CTNNA2: variants seen among roughly 807,000 people sequenced by gnomAD.
The protein encoded by CTNNA2 is catenin alpha-2.
CTNNA2 carries 42 observed loss-of-function variants against 101.0 expected under a neutral mutation model. The ratio of observed to expected loss-of-function variants is 0.42; its 90% CI spans 0.32 to 0.54. The LOEUF (loss-of-function observed/expected upper bound fraction) is 0.54, where lower values mean the gene tolerates loss of function less well. CTNNA2 is among the 20% of genes least tolerant of loss of function. The pLI is 0.14. For missense variants in CTNNA2, 871 were observed against 1,223.1 expected, an observed-to-expected ratio of 0.71 and a Z score of 4.29; for synonymous variants, 450 against 456.4, an observed-to-expected ratio of 0.99 and a Z score of 0.18.
At chr2:80,603,293 A>T (rs1697715037) in intron 15 of CTNNA2, among the ~76,000 whole-genome samples, 1 of 152,164 alleles carries the variant, frequency 6.6e-6, no homozygotes, top group African/African-American at 2.4e-5. Flanking sequence ...TTTCCCTTAT[A>T]ATAAATATTT....
chr2:79,630,232 A>T (rs987276924), intron 1 of CTNNA2, among the ~76,000 whole-genome samples: 1 of 152,224 alleles, frequency 6.6e-6, no homozygotes, highest in African/African-American at 2.4e-5. Context: ...AAGGCATGGC[A>T]TAGCATGCCC....
In CTNNA2 at chr2:79,748,255, G is replaced by C. The variant is rs1558894553; in HGVS notation, c.298+3673G>C. Among the ~76,000 whole-genome samples, 4 of 152,160 alleles carry C rather than the reference G, an allele frequency of 2.6e-5. No individual in the cohort carries two copies. In the South Asian group the frequency reaches 8.3e-4, roughly 32 times the overall value. On this transcript the variant is annotated intron_variant, in intron 3 of 18. Transcript: ENST00000402739. ...TTCAGAGAGAGAGGTAGAGAGAAAA[G>C]AGCTTGTGGGGAAGGAATATGGAAT... is the stretch of plus-strand genomic sequence containing the variant.
intron 2 of CTNNA2, among the ~76,000 whole-genome samples, chr2:79,678,305 C>T (rs1483381976): frequency 6.6e-6 from 1 of 151,944 alleles, no homozygotes; most frequent in African/African-American, 2.4e-5. Context: ...ACTTTGGGAG[C>T]CCAAGGTAGG....
chr2:80,422,452 T>C (rs200309803), intron 9 of CTNNA2, among the ~76,000 whole-genome samples: 1 of 137,550 alleles, frequency 7.3e-6, no homozygotes, highest in Non-Finnish European at 1.6e-5. Flanking sequence ...TTTTTTTTTT[T>C]CCTTGCATTA....
Position 80,206,882 on chromosome 2 carries a change from C to T in CTNNA2, c.1057-186329C>T, listed in dbSNP as rs541212650. Among the ~76,000 whole-genome samples, 167 of 152,316 alleles carry T rather than the reference C, an allele frequency of 1.1e-3. 2 individuals carry two copies. The highest frequency in any genetic ancestry group is 3.4e-3 in the African/African-American group (140 of 41,568). The stretch of plus-strand genomic sequence containing the variant: ...TGGCCATCTGATGTATTAACAGAAG[C>T]TGGTCTGGAGAAAGGCTGAGGCTTC... On this transcript the variant is annotated intron_variant, in intron 7 of 18. Coordinates refer to ENST00000402739, the MANE Select transcript of CTNNA2 (RefSeq NM_001282597.3).
At position 79,887,489 on chromosome 2, in the gene CTNNA2, T is replaced by G. The variant is rs1683969117; in HGVS notation, c.852+13147T>G. ...ATATAACTTTCTTGCACTGATTTTTTTGGCTCTTAGTTCATTTCCGTTCCC... is the reference window on the plus strand; with the variant it reads ...ATATAACTTTCTTGCACTGATTTTTGTGGCTCTTAGTTCATTTCCGTTCCC... On this transcript the variant is annotated intron_variant, in intron 6 of 18. Transcript: ENST00000402739. Among the ~76,000 whole-genome samples the G allele has an allele frequency of 2.6e-5, 4 of 152,208 alleles. No homozygotes were observed. In the South Asian group the frequency reaches 8.3e-4, roughly 32 times the overall value.
At chr2:80,542,882 C>T (rs1159279194) in intron 9 of CTNNA2, among the ~76,000 whole-genome samples, 1 of 151,730 alleles carries the variant, frequency 6.6e-6, no homozygotes. Context: ...ATTTTTTCCC[C>T]CCCCCACATG....
intron 2 of CTNNA2, among the ~76,000 whole-genome samples, chr2:79,272,763 C>A (rs1175837377): frequency 1.3e-5 from 2 of 152,004 alleles, no homozygotes; most frequent in East Asian, 1.9e-4. Context: ...GTTTTCTATT[C>A]ATCCAATGGC....
At chr2:80,576,490 C>A (rs1287121464) in intron 13 of CTNNA2, 2 of 151,350 alleles carry the variant, frequency 1.3e-5, no homozygotes, top group Non-Finnish European at 2.9e-5. Flanking sequence ...TCTGGCAGAC[C>A]AACATATAGT....
intron 7 of CTNNA2, among the ~76,000 whole-genome samples, chr2:79,934,026 A>G (rs1687625194): frequency 6.6e-6 from 1 of 152,222 alleles, no homozygotes; most frequent in South Asian, 2.1e-4. Context: ...TTTTAGGTTC[A>G]GGTCGGCACT....
intron 7 of CTNNA2, among the ~76,000 whole-genome samples, chr2:80,098,790 T>G (rs1314044663): frequency 6.6e-6 from 1 of 152,208 alleles, no homozygotes; most frequent in Non-Finnish European, 1.5e-5. Context: ...TTCGTGGGCA[T>G]AGGACCCTCT....
At chr2:79,340,559 C>T (rs58946546) in intron 3 of CTNNA2, among the ~76,000 whole-genome samples, 11,090 of 152,140 alleles carry the variant, frequency 0.073, 1,061 homozygotes, top group African/African-American at 0.22. Flanking sequence ...TGAGGCCGGG[C>T]GTGGTGGCTC....
intron 4 of CTNNA2, among the ~76,000 whole-genome samples, chr2:79,467,788 G>A (rs1054917434): frequency 6.6e-6 from 1 of 152,190 alleles, no homozygotes; most frequent in African/African-American, 2.4e-5. Flanking sequence ...AGCTTCATAA[G>A]TGAAGGAGAA....
At chr2:80,021,715 A>ATT (rs5832430) in intron 7 of CTNNA2, among the ~76,000 whole-genome samples, 2 of 146,168 alleles carry the variant, frequency 1.4e-5, no homozygotes, top group East Asian at 1.9e-4. Flanking sequence ...CACACTTATC[A>ATT]TTTTTTTTTG....
chr2:79,699,075 T>C (rs1300531956), intron 2 of CTNNA2, among the ~76,000 whole-genome samples: 4 of 152,114 alleles, frequency 2.6e-5, no homozygotes, highest in Non-Finnish European at 5.9e-5. Flanking sequence ...GTAACTTGAA[T>C]AAATTTTGTA....
chr2:79,991,121 T>G (rs1432603160), intron 7 of CTNNA2, among the ~76,000 whole-genome samples: 1 of 152,182 alleles, frequency 6.6e-6, no homozygotes, highest in Admixed American at 6.5e-5. Flanking sequence ...GGTCGTGATA[T>G]CCCCTTTATC....
intron 3 of CTNNA2, among the ~76,000 whole-genome samples, chr2:79,794,483 G>T (rs896110920): frequency 5.9e-5 from 9 of 152,032 alleles, no homozygotes; most frequent in Non-Finnish European, 1.3e-4. Flanking sequence ...AAACATCTGA[G>T]AAACTATTAC....
intron 7 of CTNNA2, among the ~76,000 whole-genome samples, chr2:80,243,096 A>T (rs2149093865): frequency 6.6e-6 from 1 of 152,288 alleles, no homozygotes; most frequent in African/African-American, 2.4e-5. Flanking sequence ...ATAGAATGCT[A>T]TTTTATGAAT....
intron 12 of CTNNA2, among the ~76,000 whole-genome samples, chr2:80,557,620 C>G (rs1445204433): frequency 6.6e-6 from 1 of 152,180 alleles, no homozygotes; most frequent in East Asian, 1.9e-4. Flanking sequence ...ATGAAAGATA[C>G]AGAGCATATT....
Sources: gnomAD v4.1 joint callset for allele counts (sites outside exome capture counted in the v4.1 genomes callset) on GRCh38, gnomAD v4.1.1 for gene constraint, MANE v1.5 for transcripts, NCBI Gene and HGNC (gene_info 2026-07-23, HGNC 2026-07-21) for gene names.